The following DPP6 variants were observed in gnomAD, a reference collection of about 807,000 sequenced individuals.
DPP6 encodes the protein dipeptidyl peptidase like 6.
DPP6 carries 69 observed loss-of-function variants against 122.6 expected under a neutral mutation model. That is an observed-to-expected ratio of 0.56 (90% confidence interval 0.46 to 0.69). DPP6 has a LOEUF of 0.69. DPP6 is among the 30% of genes least tolerant of loss of function. The pLI, the probability that DPP6 is intolerant of heterozygous loss-of-function variation, is 0.00. For synonymous variants in DPP6, 418 were observed against 433.1 expected (o/e 0.97, Z 0.43); for missense variants, 928 against 1,116.9 (o/e 0.83, Z 2.41).
intron 1 of DPP6, among the ~76,000 whole-genome samples, chr7:154,156,765 A>ATAGGTAGG (rs533660351): frequency 5.3e-5 from 8 of 152,168 alleles, no homozygotes; most frequent in African/African-American, 7.2e-5. Flanking sequence ...GGAGGTATAG[A>ATAGGTAGG]TAGGTAGGTA....
At chr7:154,448,193 C>CA (rs1466316179) in intron 2 of DPP6, among the ~76,000 whole-genome samples, 3 of 152,062 alleles carry the variant, frequency 2.0e-5, no homozygotes, top group East Asian at 3.9e-4. Context: ...AAGGAATCCA[C>CA]AAAAAAACCT....
chr7:154,152,813 C>T (rs147238202), intron 1 of DPP6, among the ~76,000 whole-genome samples: 2,120 of 152,254 alleles, frequency 0.014, 8 homozygotes, highest in African/African-American at 0.048. Context: ...GTAAGCAGCA[C>T]ACACTGGCTG....
intron 1 of DPP6, among the ~76,000 whole-genome samples, chr7:154,172,474 G>A (rs1327516026): frequency 6.6e-6 from 1 of 152,134 alleles, no homozygotes; most frequent in Non-Finnish European, 1.5e-5. Context: ...AGATCTGCTT[G>A]TTGAAACATG....
intron 1 of DPP6, among the ~76,000 whole-genome samples, chr7:154,103,595 T>G (rs1307401668): frequency 4.6e-5 from 7 of 152,244 alleles, no homozygotes; most frequent in Non-Finnish European, 1.0e-4. Context: ...TCTGGGTGTG[T>G]CGGTGAGGGT....
At chr7:153,827,476 C>A in the DPP6 span, among the ~76,000 whole-genome samples, 67 of 152,066 alleles carry the variant, frequency 4.4e-4, no homozygotes, top group Non-Finnish European at 9.1e-4. Context: ...GGGGAGCTTG[C>A]GACTGGAGGA....
At chr7:154,147,444 CA>C (rs1796151572) in intron 1 of DPP6, among the ~76,000 whole-genome samples, 1 of 133,902 alleles carries the variant, frequency 7.5e-6, no homozygotes, top group African/African-American at 2.9e-5. Flanking sequence ...TCACTTTATT[CA>C]TTTCCTTCCT....
intron 7 of DPP6, among the ~76,000 whole-genome samples, chr7:154,689,602 G>A (rs940941511): frequency 5.3e-5 from 8 of 151,924 alleles, no homozygotes; most frequent in African/African-American, 1.2e-4. Flanking sequence ...TGTGTTCATG[G>A]GTGAAATTCG....
intron 5 of DPP6, chr7:154,587,723 C>T: frequency 6.4e-7 from 1 of 1,557,900 alleles, no homozygotes; most frequent in Non-Finnish European, 8.7e-7. Context: ...GTAAGTCAAG[C>T]CTGTAGCCCA....
At chr7:153,786,600 G>A in the DPP6 span, among the ~76,000 whole-genome samples, 10 of 151,720 alleles carry the variant, frequency 6.6e-5, no homozygotes, top group African/African-American at 1.9e-4. Context: ...TTAGCCGGGC[G>A]TGGTGGCGCG....
chr7:154,525,269 G>A (rs1372261222), intron 3 of DPP6, among the ~76,000 whole-genome samples: 1 of 152,154 alleles, frequency 6.6e-6, no homozygotes, highest in East Asian at 1.9e-4. Flanking sequence ...TCAGCCTCTT[G>A]AGTATCTGGG....
chr7:154,637,664 A>G (rs914251437), intron 5 of DPP6, among the ~76,000 whole-genome samples, 157 bp from the exon 6 acceptor site: 4 of 152,210 alleles, frequency 2.6e-5, no homozygotes, highest in Non-Finnish European at 5.9e-5. Context: ...GGATATGCAA[A>G]TTGACTTCCT....
At chr7:154,140,787 C>G (rs189414755) in intron 1 of DPP6, among the ~76,000 whole-genome samples, 5 of 152,296 alleles carry the variant, frequency 3.3e-5, no homozygotes, top group African/African-American at 9.6e-5. Flanking sequence ...AACCACAATG[C>G]TTGGCGAATT....
intron 1 of DPP6, among the ~76,000 whole-genome samples, chr7:154,243,988 T>C (rs12669331): frequency 0.039 from 5,915 of 151,648 alleles, 190 homozygotes; most frequent in East Asian, 0.13. Context: ...GAGAAAAAAA[T>C]TGTAAAATAA....
chr7:154,599,445 G>A (rs1480211522), intron 5 of DPP6, among the ~76,000 whole-genome samples: 1 of 151,974 alleles, frequency 6.6e-6, no homozygotes, highest in Non-Finnish European at 1.5e-5. Flanking sequence ...GGTAAGGCAA[G>A]AACTTTCTTT....
At chr7:154,471,620 C>T (rs1822282842) in intron 2 of DPP6, among the ~76,000 whole-genome samples, 2 of 151,822 alleles carry the variant, frequency 1.3e-5, no homozygotes, top group South Asian at 4.2e-4. Context: ...GCCTGAGGAC[C>T]ACCCAACCAG....
At chr7:154,278,259 G>C (rs1184778057) in intron 1 of DPP6, among the ~76,000 whole-genome samples, 1 of 152,134 alleles carries the variant, frequency 6.6e-6, no homozygotes, top group African/African-American at 2.4e-5. Context: ...CGACCAACTT[G>C]CTAAGTCAAA....
chr7:154,027,853 T>G (rs7807282), intron 1 of DPP6, among the ~76,000 whole-genome samples: 3,841 of 151,766 alleles, frequency 0.025, 167 homozygotes, highest in African/African-American at 0.089. Context: ...TCTTAGGAGC[T>G]CAGGAAATCT....
chr7:154,551,755 C>A (rs1051544402), intron 4 of DPP6, among the ~76,000 whole-genome samples: 2 of 151,764 alleles, frequency 1.3e-5, no homozygotes, highest in African/African-American at 4.8e-5. Context: ...TTGTGAAATT[C>A]CAAAAATCTC....
At chr7:153,888,762 C>T (rs1799061280) in intron 1 of DPP6, among the ~76,000 whole-genome samples, 1 of 125,438 alleles carries the variant, frequency 8.0e-6, no homozygotes, top group Admixed American at 9.6e-5. Flanking sequence ...GATTGCCTTG[C>T]TACTTTTGAA....
Sources: allele counts gnomAD v4.1 joint callset (sites outside exome capture counted in the v4.1 genomes callset), GRCh38; gene constraint gnomAD v4.1.1; transcripts MANE v1.5; gene names NCBI Gene and HGNC (gene_info 2026-07-23, HGNC 2026-07-21).